UTP6: variants seen among roughly 807,000 people sequenced by gnomAD.
The protein encoded by UTP6 is U3 small nucleolar RNA-associated protein 6 homolog.
In UTP6, 60 loss-of-function variants were observed where a neutral mutation model predicts 96.5. That is an observed-to-expected ratio of 0.62 (90% CI 0.51 to 0.77). UTP6 has a LOEUF of 0.77. Ranked by LOEUF, UTP6 falls within the 30% of genes least tolerant of loss-of-function variation. UTP6 has a pLI of 0.00. For missense variants in UTP6, 637 were observed against 706.5 expected, an observed-to-expected ratio of 0.90 and a Z score of 1.12; for synonymous variants, 215 against 240.1, an observed-to-expected ratio of 0.90 and a Z score of 0.96.
intron 7 of UTP6, among the ~76,000 whole-genome samples, chr17:31,888,465 T>G (rs1311575165): frequency 6.6e-6 from 1 of 152,108 alleles, no homozygotes; most frequent in African/African-American, 2.4e-5. Flanking sequence ...TCCCACCACT[T>G]TCAGAGGCTG....
chr17:31,872,575 C>G (rs961276696), intron 16 of UTP6, among the ~76,000 whole-genome samples: 14 of 151,946 alleles, frequency 9.2e-5, no homozygotes, highest in Non-Finnish European at 1.9e-4. Context: ...ATTTGGGAGG[C>G]TGAGGTGGGC....
At chr17:31,896,644 ATT>A (rs1555577190) in intron 2 of UTP6, among the ~76,000 whole-genome samples, 3 of 145,750 alleles carry the variant, frequency 2.1e-5, no homozygotes, top group Non-Finnish European at 1.5e-5. Flanking sequence ...ACAGAAAAAA[ATT>A]TTTTTTTTTT....
rs371263636 is a variant in UTP6, at chr17:31,880,125, A to G, written c.967+448T>C. The G allele has an allele frequency of 4.3e-3, 737 of 172,070 alleles. 6 individuals carry two copies. The highest frequency in any genetic ancestry group is 0.017 in the African/African-American group (696 of 41,548). The allele number at this position is 172,070 out of a possible 1,614,324, so 10.7% of individuals were successfully genotyped here. A position where few individuals can be genotyped will look rare whatever the true frequency, so the allele number is the denominator to read the frequency against. On this transcript the variant is annotated intron_variant, in intron 11 of 18. Transcript: ENST00000261708. The stretch of plus-strand genomic sequence containing the variant: ...TGTCTCAAAAAAAAACAAAAAACAA[A>G]AAAAACCCAGGCACGGTGGCTCACG...
At chr17:31,899,370 G>A (rs1228963298) in intron 2 of UTP6, among the ~76,000 whole-genome samples, 1 of 152,146 alleles carries the variant, frequency 6.6e-6, no homozygotes, top group East Asian at 1.9e-4. Flanking sequence ...ACTTTGAGAG[G>A]CCAAGGTGGG....
At chr17:31,882,645 T>G in intron 10 of UTP6, among the ~76,000 whole-genome samples, 1 of 152,096 alleles carries the variant, frequency 6.6e-6, no homozygotes, top group East Asian at 1.9e-4. Context: ...TTCTAAATAA[T>G]AGAGAAAAAG....
intron 8 of UTP6, among the ~76,000 whole-genome samples, chr17:31,886,357 C>T (rs546158569): frequency 4.1e-4 from 63 of 152,242 alleles, no homozygotes; most frequent in South Asian, 4.1e-4. Context: ...TTCTCTGTAA[C>T]ATTTTATTTG....
intron 13 of UTP6, 85 bp downstream of exon 13, chr17:31,878,165 T>A: frequency 2.2e-6 from 3 of 1,375,318 alleles, no homozygotes; most frequent in Middle Eastern, 3.7e-4. Context: ...CTTAAGACTA[T>A]ATATATTTAA....
In UTP6 at chr17:31,899,348, T is replaced by C. The variant is rs185908262; in HGVS notation, c.177+298A>G. 3.0e-4 allele frequency among the ~76,000 whole-genome samples: 46 copies of C among 152,286 alleles called. 1 individual carries two copies. In the East Asian group the frequency reaches 4.4e-3, roughly 15 times the overall value. On this transcript the variant is annotated intron_variant, in intron 2 of 18. Coordinates refer to ENST00000261708, the MANE Select transcript of UTP6 (RefSeq NM_018428.3). ...TTGGCCGGGCACTGTGGTTCACACCTGTAAGCCCAGCACTTTGAGAGGCCA... is the reference window on the plus strand; with the variant it reads ...TTGGCCGGGCACTGTGGTTCACACCCGTAAGCCCAGCACTTTGAGAGGCCA...
At chr17:31,892,617 T>C (rs1904386143) in intron 5 of UTP6, 130 bp downstream of exon 5, 2 of 1,005,400 alleles carry the variant, frequency 2.0e-6, no homozygotes, top group African/African-American at 3.3e-5. Flanking sequence ...GTTATATTGA[T>C]GTTCCGCCTT....
intron 6 of UTP6, among the ~76,000 whole-genome samples, chr17:31,890,381 C>T (rs980927788): frequency 3.3e-5 from 5 of 149,814 alleles, no homozygotes; most frequent in Non-Finnish European, 7.4e-5. Flanking sequence ...TTTGGGAGGC[C>T]GAGGCAGGCA....
Position 31,880,726 on chromosome 17 carries a change from G to A in UTP6, c.814C>T (p.Leu272Phe). 1.2e-6 allele frequency: 2 copies of A among 1,614,140 alleles called. No individual in the cohort carries two copies. The highest frequency in any genetic ancestry group is 1.7e-6 in the Non-Finnish European group (2 of 1,180,032). Residue 272 changes from leucine (L) to phenylalanine (F), a missense_variant, in exon 11 of 19, where the codon CTC becomes TTC. Coordinates refer to ENST00000261708, the MANE Select transcript of UTP6 (RefSeq NM_018428.3). The stretch of plus-strand genomic sequence containing the variant: ...CGCCTTGCCACATAATCCCAAGTGA[G>A]AGGATCATCTGTGTGTAGAGCCTGA... ...DLQALHTDDP[L>F]TWDYVARREL...
At chr17:31,868,237 A>AGTCCT in intron 16 of UTP6, 125 bp from the exon 17 acceptor site, 1 of 765,874 alleles carries the variant, frequency 1.3e-6, no homozygotes, top group Non-Finnish European at 2.0e-6. Flanking sequence ...CTTCAAATCA[A>AGTCCT]TGCAAGGACT....
chr17:31,878,671 G>C, intron 12 of UTP6, 31 bp downstream of exon 12: 1 of 1,594,076 alleles, frequency 6.3e-7, no homozygotes, highest in Non-Finnish European at 8.6e-7. Context: ...TCACTATCTA[G>C]TCAACCACTG....
chr17:31,889,263 T>C (rs1454007350), intron 7 of UTP6, 22 bp downstream of exon 7: 1 of 1,567,980 alleles, frequency 6.4e-7, no homozygotes, highest in Admixed American at 1.7e-5. Context: ...CACTGTCTCA[T>C]CCTATGTGCA....
chr17:31,897,502 G>A (rs1284019008), intron 2 of UTP6, among the ~76,000 whole-genome samples: 1 of 140,530 alleles, frequency 7.1e-6, no homozygotes, highest in African/African-American at 2.7e-5. Context: ...GGCTGGGAGT[G>A]CAATGGCACA....
At chr17:31,872,217 T>A (rs9899324) in intron 16 of UTP6, among the ~76,000 whole-genome samples, 4 of 151,948 alleles carry the variant, frequency 2.6e-5, no homozygotes, top group Admixed American at 6.6e-5. Flanking sequence ...AAATTTTTTT[T>A]AAATCATAAA....
chr17:31,899,778 AC>A (rs1168895556), intron 1 of UTP6, 48 bp from the exon 2 acceptor site: 1 of 1,312,440 alleles, frequency 7.6e-7, no homozygotes, highest in Non-Finnish European at 1.1e-6. Flanking sequence ...CAAAAATTAA[AC>A]GTTTAAGTTT....
rs373939270 is a variant in UTP6 at position 31,894,594 on chromosome 17, A to G, written c.312+51T>C. On this transcript the variant is annotated intron_variant, in intron 4 of 18. Coordinates refer to ENST00000261708, the MANE Select transcript of UTP6 (RefSeq NM_018428.3). ...CATTTGAATCCCTAATACAATATGT[A>G]TAATACTTATCTTCACATCTCATAA... 1.2e-5 allele frequency: 15 copies of G among 1,285,794 alleles called. No homozygotes were observed. The African/African-American group carries it at 2.1e-4, about 18-fold the overall frequency. The allele number at this position is 1,285,794 out of a possible 1,614,324, so 79.6% of individuals were successfully genotyped here.
At chr17:31,876,174 C>T (rs61196324) in intron 13 of UTP6, among the ~76,000 whole-genome samples, 7 of 151,836 alleles carry the variant, frequency 4.6e-5, no homozygotes, top group South Asian at 4.2e-4. Context: ...GTAGCTGGGA[C>T]GACAGGCGCC....
Sources: allele counts gnomAD v4.1 joint callset (sites outside exome capture counted in the v4.1 genomes callset), GRCh38; gene constraint gnomAD v4.1.1; transcripts MANE v1.5; gene names NCBI Gene and HGNC (gene_info 2026-07-23, HGNC 2026-07-21).